The following AMDHD2 variants were observed in gnomAD, a reference collection of about 807,000 sequenced individuals.
AMDHD2 encodes amidohydrolase domain containing 2.
A neutral mutation model predicts 41.8 loss-of-function variants in AMDHD2; 24 were observed. That is an observed-to-expected ratio of 0.57 (90% CI 0.42 to 0.81). The LOEUF is 0.81. Among genes scored for constraint, AMDHD2 ranks in the 30% least tolerant of loss-of-function variants. AMDHD2 has a pLI of 0.00. For synonymous variants in AMDHD2, 332 were observed against 255.5 expected (o/e 1.30, Z -2.85); for missense variants, 540 against 588.5 (o/e 0.92, Z 0.85).
At chr16:2,521,586 A>G (rs190323437) in intron 3 of AMDHD2, among the ~76,000 whole-genome samples, 7 of 151,608 alleles carry the variant, frequency 4.6e-5, no homozygotes, top group African/African-American at 1.7e-4. Flanking sequence ...CCACGCTTCC[A>G]TTTTCTTTCC....
At chr16:2,522,159 T>C (rs2065949360) in intron 3 of AMDHD2, among the ~76,000 whole-genome samples, 1 of 152,088 alleles carries the variant, frequency 6.6e-6, no homozygotes, top group African/African-American at 2.4e-5. Flanking sequence ...TCATAGCCCA[T>C]TGCAGCCTCA....
chr16:2,523,979 G>A (rs917377824), intron 3 of AMDHD2, among the ~76,000 whole-genome samples: 6 of 152,248 alleles, frequency 3.9e-5, no homozygotes, highest in Non-Finnish European at 8.8e-5. Flanking sequence ...TCTTCCTTAG[G>A]AAGAGTCTCT....
At position 2,528,137 on chromosome 16, in the gene AMDHD2, G is replaced by C; in HGVS notation, c.706G>C (p.Ala236Pro). ...CACCTTCATCACCCACCTCTTCAAC[G>C]CCATGCTGCCTGTGAGTGCTATGGG... Reference protein sequence around the residue: ...GATFITHLFNAMLPFHHRDPG... With the variant: ...GATFITHLFNPMLPFHHRDPG... The change falls in exon 6 of 11, where the codon GCC becomes CCC. Residue 236 changes from alanine to proline, a missense_variant. By Grantham distance (27) the Ala-to-Pro change is conservative. Coordinates refer to ENST00000293971, the MANE Select transcript of AMDHD2 (RefSeq NM_001330449.2). 1 of 1,613,030 alleles carries C rather than the reference G, an allele frequency of 6.2e-7. No individual in the cohort carries two copies. Among genetic ancestry groups the C allele is most frequent in the Non-Finnish European group, 8.5e-7 (1 of 1,179,848 alleles).
At chr16:2,529,162 G>A (rs1386636180) in intron 10 of AMDHD2, 67 bp downstream of exon 10, 13 of 1,416,742 alleles carry the variant, frequency 9.2e-6, no homozygotes, top group East Asian at 2.5e-5. Context: ...TTCCTGGGGC[G>A]GCCTGGACAG....
intron 3 of AMDHD2, among the ~76,000 whole-genome samples, chr16:2,523,122 G>A (rs911775977): frequency 2.0e-4 from 31 of 152,154 alleles, no homozygotes; most frequent in East Asian, 3.9e-4. Context: ...GATTACAGGC[G>A]TGAGCCATGG....
chr16:2,525,180 C>A (rs551519499), intron 3 of AMDHD2, among the ~76,000 whole-genome samples: 23 of 151,730 alleles, frequency 1.5e-4, no homozygotes, highest in African/African-American at 5.1e-4. Context: ...CTTCAGCCTC[C>A]GGAGTAGCTG....
intron 9 of AMDHD2, 21 bp downstream of exon 9, chr16:2,528,739 CG>C: frequency 6.2e-7 from 1 of 1,610,414 alleles, no homozygotes; most frequent in Non-Finnish European, 8.5e-7. Context: ...AGCACGGGTG[CG>C]GGTTTAGGTG....
At position 2,520,794 on chromosome 16, in the gene AMDHD2, C is replaced by A. The variant is rs751022812; in HGVS notation, c.109C>A (p.Arg37Ser). Residue 37 changes from arginine (R) to serine (S), a missense_variant, in exon 2 of 11, where the codon CGC becomes AGC. Coordinates refer to ENST00000293971, the MANE Select transcript of AMDHD2 (RefSeq NM_001330449.2). ...LREDLWVRGGRILDPEKLFFE... is the reference protein window; with the variant it reads ...LREDLWVRGGSILDPEKLFFE... ...GGAGGATCTGTGGGTGCGCGGAGGC[C>A]GCATCTTGGACCCAGAGAAGCTGTT... 1 of 1,606,450 alleles carries A rather than the reference C, an allele frequency of 6.2e-7. No homozygotes were observed. The highest frequency in any genetic ancestry group is 1.1e-5 in the South Asian group (1 of 90,816).
chr16:2,520,479 G>A lies in AMDHD2; in HGVS notation c.21G>A (p.Ala7=). The A allele has an allele frequency of 8.1e-7, 1 of 1,233,894 alleles. No individual in the cohort carries two copies. The highest frequency in any genetic ancestry group is 1.0e-6 in the Non-Finnish European group (1 of 982,412). The allele number at this position is 1,233,894 out of a possible 1,614,324, so 76.4% of individuals were successfully genotyped here. The change falls in exon 1 of 11, where the codon GCG becomes GCA. Residue 7 remains alanine, a synonymous_variant. Transcript: ENST00000293971. ...TCACGATGCGCGGCGAGCAGGGCGC[G>A]GCGGGGGCCCGCGTGCTCCAGTTCA... MRGEQG[A]AGARVLQFTN...
At position 2,531,294 on chromosome 16, in the gene AMDHD2, A is replaced by G; in HGVS notation, c.*1731A>G. 1 of 581,366 alleles carries G rather than the reference A, an allele frequency of 1.7e-6. No homozygotes were observed. The highest frequency in any genetic ancestry group is 2.6e-5 in the South Asian group (1 of 38,860). The allele number at this position is 581,366 out of a possible 1,614,324, so 36.0% of individuals were successfully genotyped here. On this transcript the variant is annotated 3_prime_UTR_variant, in exon 11 of 11. Transcript: ENST00000293971. ...GGGAGAGGGGCCCAGGGTCAGGGTG[A>G]GAGAGAGCTGGGCCAGGGAGCTGCT...
Position 2,521,993 on chromosome 16 carries a change from C to G in AMDHD2, c.360+870C>G, listed in dbSNP as rs557499184. ...TAGAGACGGGGTTTCACCGTGTTAGCCAGGATGGTCTCGATCTCCTGACCT... is the reference window on the plus strand; with the variant it reads ...TAGAGACGGGGTTTCACCGTGTTAGGCAGGATGGTCTCGATCTCCTGACCT... On this transcript the variant is annotated intron_variant, in intron 3 of 10. Transcript: ENST00000293971. 2.0e-5 allele frequency among the ~76,000 whole-genome samples: 3 copies of G among 152,104 alleles called. No individual in the cohort carries two copies. The South Asian group carries it at 6.2e-4, about 32-fold the overall frequency.
At chr16:2,528,756 T>C in intron 9 of AMDHD2, 38 bp downstream of exon 9, 3 of 1,599,688 alleles carry the variant, frequency 1.9e-6, no homozygotes, top group Non-Finnish European at 1.7e-6. Context: ...AGGTGGTCTG[T>C]GAGTGGTGGG....
At chr16:2,521,191 TCACGCCC>T in intron 3 of AMDHD2, 68 bp downstream of exon 3, 1 of 1,474,442 alleles carries the variant, frequency 6.8e-7, no homozygotes, top group Middle Eastern at 1.8e-4. Flanking sequence ...ATTTTCAAAC[TCACGCCC>T]CACCCCCCAC....
chr16:2,530,152 GGGACCCCTGTTTTCTGCTCCCT>G lies in AMDHD2; in HGVS notation c.*594_*615del, dbSNP rs1185622262. The G allele has an allele frequency of 1.4e-6, 2 of 1,426,242 alleles. No homozygotes were observed. Among genetic ancestry groups the G allele is most frequent in the Non-Finnish European group, 1.8e-6 (2 of 1,081,504 alleles). The allele number at this position is 1,426,242 out of a possible 1,614,324, so 88.3% of individuals were successfully genotyped here. A position where few individuals can be genotyped will look rare whatever the true frequency, so the allele number is the denominator to read the frequency against. On this transcript the variant is annotated 3_prime_UTR_variant, in exon 11 of 11. Coordinates refer to ENST00000293971, the MANE Select transcript of AMDHD2 (RefSeq NM_001330449.2). ...GACCTCCAGGAGGGAGACTGGGCCC[GGGACCCCTGTTTTCTGCTCCCT>G]GGACTGCCTAGCCCTGAGTGCCACG... is the stretch of plus-strand genomic sequence containing the variant.
rs1036471271 is a variant in AMDHD2, at chr16:2,529,616, G to T, written c.*53G>T. ...GCCGCAGCGGGATGCCATCAGGGCC[G>T]GGTGGTTGGGGAGCTGGTCTCCAGG... On this transcript the variant is annotated 3_prime_UTR_variant, in exon 11 of 11. Coordinates refer to ENST00000293971, the MANE Select transcript of AMDHD2 (RefSeq NM_001330449.2). The T allele has an allele frequency of 1.9e-6, 3 of 1,598,884 alleles. No homozygotes were observed. Among genetic ancestry groups the T allele is most frequent in the South Asian group, 1.1e-5 (1 of 90,956 alleles).
chr16:2,528,698 G>GGC lies in AMDHD2; in HGVS notation c.1020_1021dup (p.His341ArgfsTer76). ...ATAGCCCCAATGGACGTCTGTGTCC[G>GGC]GCACTTCCTGCAGGCCACAGGTCAG... On this transcript the variant is annotated frameshift_variant, in exon 9 of 11. Coordinates refer to ENST00000293971, the MANE Select transcript of AMDHD2 (RefSeq NM_001330449.2). LOFTEE classifies it high-confidence loss of function. 1 of 1,612,684 alleles carries GGC rather than the reference G, an allele frequency of 6.2e-7. No homozygotes were observed. Among genetic ancestry groups the GGC allele is most frequent in the Non-Finnish European group, 8.5e-7 (1 of 1,179,916 alleles).
chr16:2,529,370 C>A (rs1567133424), intron 10 of AMDHD2, 105 bp from the exon 11 acceptor site: 1 of 1,545,696 alleles, frequency 6.5e-7, no homozygotes, highest in East Asian at 2.3e-5. Flanking sequence ...TAGTCGTGTC[C>A]CTGGGCCTCA....
Position 2,520,760 on chromosome 16 carries a change from C to G in AMDHD2, c.84-9C>G, listed in dbSNP as rs759707789. On this transcript the variant is annotated splice_polypyrimidine_tract_variant and intron_variant, in intron 1 of 10. Coordinates refer to ENST00000293971, the MANE Select transcript of AMDHD2 (RefSeq NM_001330449.2). ...CCGCGATGCGAGCGCCCACCCACTG[C>G]GTCCCCAGGGAGGATCTGTGGGTGC... 7.0e-6 allele frequency: 11 copies of G among 1,567,756 alleles called. No homozygotes were observed. The highest frequency in any genetic ancestry group is 9.5e-6 in the Non-Finnish European group (11 of 1,157,952).
Position 2,531,111 on chromosome 16 carries a change from C to A in AMDHD2, c.*1548C>A, listed in dbSNP as rs534857231. On this transcript the variant is annotated 3_prime_UTR_variant, in exon 11 of 11. Coordinates refer to ENST00000293971, the MANE Select transcript of AMDHD2 (RefSeq NM_001330449.2). The stretch of plus-strand genomic sequence containing the variant: ...CCCAGAGCTGGCATGTTGGTCATCC[C>A]CACCTCAGACGGGACGCCCAGTCCA... The A allele has an allele frequency of 1.9e-6, 3 of 1,542,364 alleles. No homozygotes were observed. Among genetic ancestry groups the A allele is most frequent in the East Asian group, 4.5e-5 (2 of 44,304 alleles).
Sources: gnomAD v4.1 joint callset for allele counts (sites outside exome capture counted in the v4.1 genomes callset) on GRCh38, gnomAD v4.1.1 for gene constraint, MANE v1.5 for transcripts, NCBI Gene and HGNC (gene_info 2026-07-23, HGNC 2026-07-21) for gene names.